SPMAP2L: variants seen among roughly 807,000 people sequenced by gnomAD.
SPMAP2L encodes sperm microtubule associated protein 2-like.
the SPMAP2L span, among the ~76,000 whole-genome samples, chr4:56,547,699 C>T: frequency 1.3e-5 from 2 of 152,190 alleles, no homozygotes; most frequent in Non-Finnish European, 2.9e-5. Flanking sequence ...AGCGCACCCA[C>T]TTTTCTTTAC....
At chr4:56,604,688 A>C in the SPMAP2L span, among the ~76,000 whole-genome samples, 1 of 152,096 alleles carries the variant, frequency 6.6e-6, no homozygotes, top group Non-Finnish European at 1.5e-5. Flanking sequence ...AAGAAAAGAA[A>C]TTTAGCTGTG....
the SPMAP2L span, among the ~76,000 whole-genome samples, chr4:56,562,237 G>A: frequency 5.9e-5 from 9 of 151,816 alleles, no homozygotes; most frequent in African/African-American, 2.2e-4. Context: ...TCAAGGAGGA[G>A]AAAAAAGCTG....
At chr4:56,548,803 C>T in the SPMAP2L span, 2 of 1,485,380 alleles carry the variant, frequency 1.3e-6, no homozygotes, top group Non-Finnish European at 1.8e-6. Flanking sequence ...ATCCTGTTTC[C>T]TGTGACTTTG....
the SPMAP2L span, among the ~76,000 whole-genome samples, chr4:56,609,551 A>G: frequency 6.6e-6 from 1 of 152,220 alleles, no homozygotes; most frequent in Non-Finnish European, 1.5e-5. Flanking sequence ...TGAGAAAAAC[A>G]TGAATTTGGG....
the SPMAP2L span, among the ~76,000 whole-genome samples, chr4:56,605,728 C>T: frequency 1.3e-5 from 2 of 151,966 alleles, no homozygotes; most frequent in African/African-American, 4.8e-5. Context: ...TAAACAGATC[C>T]TCAGCATTTC....
At chr4:56,533,964 A>T in the SPMAP2L span, among the ~76,000 whole-genome samples, 1 of 152,038 alleles carries the variant, frequency 6.6e-6, no homozygotes, top group Non-Finnish European at 1.5e-5. Flanking sequence ...GAACAAAAAC[A>T]AAAACTAAAA....
the SPMAP2L span, among the ~76,000 whole-genome samples, chr4:56,616,442 C>A: frequency 7.2e-5 from 11 of 152,164 alleles, no homozygotes; most frequent in Admixed American, 3.9e-4. Flanking sequence ...CAAGTCAGCT[C>A]CTAAGAGGCT....
At chr4:56,541,486 GTTAT>G in the SPMAP2L span, among the ~76,000 whole-genome samples, 1 of 151,984 alleles carries the variant, frequency 6.6e-6, no homozygotes, top group Non-Finnish European at 1.5e-5. Context: ...TTATTTCTAA[GTTAT>G]TTGAGATAGA....
chr4:56,544,094 TTC>T, the SPMAP2L span, among the ~76,000 whole-genome samples: 1 of 151,998 alleles, frequency 6.6e-6, no homozygotes, highest in Non-Finnish European at 1.5e-5. Flanking sequence ...GCTCAAGTGA[TTC>T]TCGTGCCTCA....
chr4:56,606,026 C>G, the SPMAP2L span, among the ~76,000 whole-genome samples: 541 of 152,254 alleles, frequency 3.6e-3, 4 homozygotes, highest in African/African-American at 0.012. Flanking sequence ...CTTCCTAAAC[C>G]TAGGTATAAA....
chr4:56,609,739 A>T, the SPMAP2L span, among the ~76,000 whole-genome samples: 1 of 152,292 alleles, frequency 6.6e-6, no homozygotes, highest in African/African-American at 2.4e-5. Context: ...GAGAGAGTTC[A>T]TCCCTTTTTC....
the SPMAP2L span, among the ~76,000 whole-genome samples, chr4:56,567,195 T>C: frequency 1.3e-5 from 2 of 152,078 alleles, no homozygotes; most frequent in African/African-American, 4.8e-5. Flanking sequence ...TACTCTGCAT[T>C]CCTTTGTGTA....
chr4:56,615,660 A>G, the SPMAP2L span, among the ~76,000 whole-genome samples: 1 of 152,184 alleles, frequency 6.6e-6, no homozygotes, highest in African/African-American at 2.4e-5. Flanking sequence ...AGGCAGGAGA[A>G]TTGCTTGGAC....
At chr4:56,601,478 G>T in the SPMAP2L span, among the ~76,000 whole-genome samples, 1 of 152,114 alleles carries the variant, frequency 6.6e-6, no homozygotes, top group African/African-American at 2.4e-5. Context: ...AAAAATATTG[G>T]CCAGGCACGG....
chr4:56,544,729 C>A, the SPMAP2L span, among the ~76,000 whole-genome samples: 1 of 152,202 alleles, frequency 6.6e-6, no homozygotes, highest in African/African-American at 2.4e-5. Flanking sequence ...GGCCTGGTTG[C>A]CGGCCGCACG....
the SPMAP2L span, among the ~76,000 whole-genome samples, chr4:56,591,829 T>C: frequency 6.6e-6 from 1 of 152,216 alleles, no homozygotes; most frequent in African/African-American, 2.4e-5. Flanking sequence ...CTTTTCTTCT[T>C]ATTGGCTTTG....
the SPMAP2L span, among the ~76,000 whole-genome samples, chr4:56,535,493 C>A: frequency 8.5e-5 from 13 of 152,224 alleles, no homozygotes; most frequent in African/African-American, 3.1e-4. Flanking sequence ...TGACGTACCC[C>A]CTGCTTGCTC....
chr4:56,561,443 G>C, the SPMAP2L span, among the ~76,000 whole-genome samples: 199 of 152,294 alleles, frequency 1.3e-3, no homozygotes, highest in African/African-American at 4.6e-3. Context: ...GCTGGCATCT[G>C]CTCGGCTTCT....
the SPMAP2L span, among the ~76,000 whole-genome samples, chr4:56,556,399 TATTATGACTGCG>T: frequency 1.3e-5 from 2 of 152,216 alleles, no homozygotes; most frequent in Non-Finnish European, 2.9e-5. Context: ...TAGAAAATGC[TATTATGACTGCG>T]AAAGAAAATA....
Sources: gnomAD v4.1 joint callset for allele counts (sites outside exome capture counted in the v4.1 genomes callset) on GRCh38, gnomAD v4.1.1 for gene constraint, MANE v1.5 for transcripts, NCBI Gene and HGNC (gene_info 2026-07-23, HGNC 2026-07-21) for gene names.